PARP12: variants seen among roughly 807,000 people sequenced by gnomAD.
The protein encoded by PARP12 is protein mono-ADP-ribosyltransferase PARP12.
In PARP12, 59 loss-of-function variants were observed where a neutral mutation model predicts 72.4. The observed-to-expected ratio is 0.81, with a 90% confidence interval of 0.66 to 1.01. PARP12 has a LOEUF of 1.01. Among genes scored for constraint, PARP12 ranks in the 50% least tolerant of loss-of-function variants. PARP12 has a pLI of 0.00. For missense variants in PARP12, 851 were observed against 914.0 expected (o/e 0.93, Z 0.89); for synonymous variants, 403 against 371.4 (o/e 1.09, Z -0.98).
intron 5 of PARP12, among the ~76,000 whole-genome samples, chr7:140,042,176 C>T (rs1816503681): frequency 6.6e-6 from 1 of 152,144 alleles, no homozygotes; most frequent in Admixed American, 6.5e-5. Flanking sequence ...TTAACATATA[C>T]TGAGTGTTTA....
rs536964749 is a variant in PARP12 at position 140,027,652 on chromosome 7, A to G, written c.1498-246T>C. 1.3e-3 allele frequency: 428 copies of G among 340,400 alleles called. 1 individual carries two copies. Among genetic ancestry groups the G allele is most frequent in the Non-Finnish European group, 1.9e-3 (335 of 177,868 alleles). 21.1% of individuals were successfully genotyped at this position (340,400 alleles called of 1,614,324 possible). A position where few individuals can be genotyped will look rare whatever the true frequency, so the allele number is the denominator to read the frequency against. On this transcript the variant is annotated intron_variant, in intron 9 of 11. Coordinates refer to ENST00000263549, the MANE Select transcript of PARP12 (RefSeq NM_022750.4). ...ACCTCTTGTTTATGTCAGTTAGCAT[A>G]TGGGAAATTGGTTTCGTTAGACAGT...
intron 1 of PARP12, among the ~76,000 whole-genome samples, chr7:140,059,621 T>C (rs1475085863): frequency 6.6e-6 from 1 of 152,198 alleles, no homozygotes; most frequent in Non-Finnish European, 1.5e-5. Context: ...TGCCAAACCC[T>C]GATCCACCCC....
At chr7:140,035,218 G>A (rs1013904638) in intron 7 of PARP12, among the ~76,000 whole-genome samples, 50 of 152,132 alleles carry the variant, frequency 3.3e-4, no homozygotes, top group African/African-American at 1.1e-3. Context: ...ATTCCTGGAG[G>A]TCCATCCACA....
chr7:140,036,610 C>T (rs185682588), intron 7 of PARP12, among the ~76,000 whole-genome samples: 35 of 152,288 alleles, frequency 2.3e-4, no homozygotes, highest in Admixed American at 2.1e-3. Context: ...CCAGACACTT[C>T]ACTATACTCC....
chr7:140,035,920 G>A (rs1440338063), intron 7 of PARP12, among the ~76,000 whole-genome samples: 3 of 131,820 alleles, frequency 2.3e-5, no homozygotes, highest in African/African-American at 6.3e-5. Context: ...AGGACAAGGA[G>A]GAGGACAAGG....
Position 140,058,015 on chromosome 7 carries a change from G to A in PARP12, c.346C>T (p.His116Tyr). ...AGGTTGTGTTCGGTTGTCAAGCTGT[G>A]ACTATTCCTACAGTTCTTCCTGCAA... ...LRAGKNCRNS[H>Y]SLTTEHNLSV... is the part of the protein sequence containing the mutation. The change falls in exon 2 of 12, where the codon CAC becomes TAC. Residue 116 changes from histidine (H) to tyrosine (Y), a missense_variant. By Grantham distance (83) the His-to-Tyr change is moderately conservative. Transcript: ENST00000263549. 6.2e-7 allele frequency: 1 copy of A among 1,614,218 alleles called. No individual in the cohort carries two copies. Among genetic ancestry groups the A allele is most frequent in the Non-Finnish European group, 8.5e-7 (1 of 1,180,030 alleles).
At chr7:140,035,938 GGAGGAGGAGGAGGAC>G (rs1816149966) in intron 7 of PARP12, among the ~76,000 whole-genome samples, 1 of 102,286 alleles carries the variant, frequency 9.8e-6, no homozygotes, top group Non-Finnish European at 1.9e-5. Context: ...AGGAGGAGGA[GGAGGAGGAGGAGGAC>G]GAGGAGGAGG....
intron 11 of PARP12, chr7:140,025,600 A>AGAGAGAGG (rs1491112987): frequency 2.2e-6 from 1 of 454,472 alleles, no homozygotes; most frequent in Non-Finnish European, 4.4e-6. Context: ...TGGTGCAGAA[A>AGAGAGAGG]GAGAGAGGGA....
intron 1 of PARP12, among the ~76,000 whole-genome samples, chr7:140,058,885 C>T (rs181101912): frequency 3.9e-5 from 6 of 152,086 alleles, no homozygotes; most frequent in Admixed American, 3.9e-4. Context: ...CACTTGAGGT[C>T]GGGAGTTCGA....
At chr7:140,046,833 T>TGTGTGTGTGTGTCA (rs1554514730) in intron 5 of PARP12, 51 bp downstream of exon 5, 16,193 of 1,183,366 alleles carry the variant, frequency 0.014, 570 homozygotes, top group Admixed American at 0.032. Context: ...TGTGTGTGTG[T>TGTGTGTGTGTGTCA]CACACACAGA....
chr7:140,046,517 GTAA>G (rs1816728929), intron 5 of PARP12, among the ~76,000 whole-genome samples: 1 of 152,206 alleles, frequency 6.6e-6, no homozygotes, highest in Non-Finnish European at 1.5e-5. Context: ...TCGCTTTTCT[GTAA>G]TAATGAGTAT....
rs1817532235 is a variant in PARP12 at position 140,062,843 on chromosome 7, G to C, written c.5C>G (p.Ala2Gly). The change falls in exon 1 of 12, where the codon GCC becomes GGC. Residue 2 changes from alanine to glycine, a missense_variant. By Grantham distance (60) the Ala-to-Gly change is moderately conservative. Around this residue, in one of 3 missense-constraint regions of PARP12, gnomAD observed 492 missense variants for 489.3 expected, o/e 1.01. Transcript: ENST00000263549. ...GACCTCACCGACGACGCCGGCCTGGGCCATGGCCGCTGGGCCTGCTCCCGT... is the reference window on the plus strand; with the variant it reads ...GACCTCACCGACGACGCCGGCCTGGCCCATGGCCGCTGGGCCTGCTCCCGT... M[A>G]QAGVVGEVTQ... 1 of 1,366,816 alleles carries C rather than the reference G, an allele frequency of 7.3e-7. No individual in the cohort carries two copies. Among genetic ancestry groups the C allele is most frequent in the Non-Finnish European group, 9.4e-7 (1 of 1,058,492 alleles). The allele number at this position is 1,366,816 out of a possible 1,614,324, so 84.7% of individuals were successfully genotyped here.
chr7:140,032,855 A>G (rs1220254720), intron 8 of PARP12, among the ~76,000 whole-genome samples: 2 of 152,206 alleles, frequency 1.3e-5, no homozygotes, highest in Non-Finnish European at 2.9e-5. Context: ...CAGGGTAGAG[A>G]TAACAGGGAG....
Position 140,045,090 on chromosome 7 carries a change from C to T in PARP12, c.986+1794G>A, listed in dbSNP as rs149637064. 3.0e-3 allele frequency among the ~76,000 whole-genome samples: 449 copies of T among 151,316 alleles called. 1 individual carries two copies. The highest frequency in any genetic ancestry group is 4.4e-3 in the Non-Finnish European group (301 of 67,870). ...TGTCACCCAGACTGGAGTGTAGTGA[C>T]ACAATCATAGCTCACTGCAGCATCA... On this transcript the variant is annotated intron_variant, in intron 5 of 11. Coordinates refer to ENST00000263549, the MANE Select transcript of PARP12 (RefSeq NM_022750.4).
intron 4 of PARP12, among the ~76,000 whole-genome samples, chr7:140,050,438 A>G (rs1816915982): frequency 6.6e-6 from 1 of 152,188 alleles, no homozygotes; most frequent in South Asian, 2.1e-4. Flanking sequence ...CCTAGGCTAC[A>G]TGCCAGCCTC....
intron 4 of PARP12, among the ~76,000 whole-genome samples, chr7:140,053,857 C>T (rs947816873): frequency 6.6e-6 from 1 of 152,168 alleles, no homozygotes; most frequent in Non-Finnish European, 1.5e-5. Flanking sequence ...TCACATGCTC[C>T]TATCTGTTTA....
rs1309826082 is a variant in PARP12 at position 140,024,144 on chromosome 7, C to A, written c.*416G>T. 3 of 290,950 alleles carry A rather than the reference C, an allele frequency of 1.0e-5. No homozygotes were observed. The highest frequency in any genetic ancestry group is 2.0e-5 in the Non-Finnish European group (3 of 149,538). The allele number at this position is 290,950 out of a possible 1,614,324, so 18.0% of individuals were successfully genotyped here. On this transcript the variant is annotated 3_prime_UTR_variant, in exon 12 of 12. Coordinates refer to ENST00000263549, the MANE Select transcript of PARP12 (RefSeq NM_022750.4). Reference sequence around the variant, plus strand: ...GTGCCGCCCGTGGGCTGTCATCCACCGGTGGCTACTGTGTCATTCTGGAAA... The same window carrying A: ...GTGCCGCCCGTGGGCTGTCATCCACAGGTGGCTACTGTGTCATTCTGGAAA...
intron 6 of PARP12, among the ~76,000 whole-genome samples, chr7:140,040,598 C>T (rs1816422450): frequency 6.6e-6 from 1 of 152,164 alleles, no homozygotes; most frequent in Admixed American, 6.5e-5. Flanking sequence ...GACAAAAGTC[C>T]CTGCCCTCAT....
At chr7:140,057,461 G>C in intron 2 of PARP12, 1 of 434,090 alleles carries the variant, frequency 2.3e-6, no homozygotes, top group Non-Finnish European at 4.1e-6. Context: ...TACATCCTAA[G>C]GACCTCTACA....
Sources: allele counts gnomAD v4.1 joint callset (sites outside exome capture counted in the v4.1 genomes callset), GRCh38; gene constraint gnomAD v4.1.1; regional missense constraint gnomAD v4.1.1; transcripts MANE v1.5; gene names NCBI Gene and HGNC (gene_info 2026-07-23, HGNC 2026-07-21).